Variants in ADIPOR1 observed in about 807,000 individuals in gnomAD.
ADIPOR1 encodes adiponectin receptor 1, also known as adiponectin receptor protein 1.
A neutral mutation model predicts 37.5 loss-of-function variants in ADIPOR1; 15 were observed. The ratio of observed to expected loss-of-function variants is 0.40; its 90% confidence interval spans 0.27 to 0.62. The LOEUF (loss-of-function observed/expected upper bound fraction) is 0.62, where lower values mean the gene tolerates loss of function less well. Among genes scored for constraint, ADIPOR1 ranks in the 20% least tolerant of loss-of-function variants. ADIPOR1 has a pLI of 0.42. For synonymous variants in ADIPOR1, 173 were observed against 173.2 expected, an observed-to-expected ratio of 1.00 and a Z score of 0.01; for missense variants, 286 against 478.0, an observed-to-expected ratio of 0.60 and a Z score of 3.75.
At chr1:202,942,469 A>T (rs1034268814) in intron 6 of ADIPOR1, among the ~76,000 whole-genome samples, 1 of 152,206 alleles carries the variant, frequency 6.6e-6, no homozygotes, top group Non-Finnish European at 1.5e-5. Context: ...ATTCTTCATT[A>T]TCTGTTAAGG....
At chr1:202,943,639 A>G in intron 6 of ADIPOR1, 119 bp downstream of exon 6, 2 of 1,157,826 alleles carry the variant, frequency 1.7e-6, no homozygotes, top group Non-Finnish European at 2.4e-6. Flanking sequence ...AAGTTCTGAA[A>G]CACAAATCAG....
At chr1:202,953,049 A>G (rs1654640095) in intron 1 of ADIPOR1, among the ~76,000 whole-genome samples, 2 of 152,196 alleles carry the variant, frequency 1.3e-5, no homozygotes, top group South Asian at 4.1e-4. Context: ...ATGCCAGCAC[A>G]CAGTCATAGT....
chr1:202,956,844 T>C (rs1174537645), intron 1 of ADIPOR1, among the ~76,000 whole-genome samples: 4 of 152,142 alleles, frequency 2.6e-5, no homozygotes, highest in African/African-American at 9.7e-5. Flanking sequence ...GCAATGGGGA[T>C]CAGTGGATTA....
intron 2 of ADIPOR1, among the ~76,000 whole-genome samples, chr1:202,950,282 G>A (rs1265809875): frequency 3.3e-5 from 5 of 151,696 alleles, no homozygotes; most frequent in African/African-American, 9.7e-5. Context: ...CCTTTAAAAG[G>A]CAAAGAGTTG....
chr1:202,956,292 G>A (rs1227028744), intron 1 of ADIPOR1, among the ~76,000 whole-genome samples: 1 of 152,260 alleles, frequency 6.6e-6, no homozygotes, highest in East Asian at 1.9e-4. Context: ...ACAGGATAAT[G>A]TAGCAGGAGT....
chr1:202,948,323 A>C lies in ADIPOR1; in HGVS notation c.239T>G (p.Met80Arg). ...PLQAHHAMEK[M>R]EEFVYKVWEG... is the part of the protein sequence containing the mutation. ...CCATACCTTGTACACAAACTCTTCC[A>C]TCTTCTCCATGGCGTGGTGGGCTTG... Residue 80 changes from methionine to arginine, a missense_variant, in exon 3 of 8, where the codon ATG becomes AGG. Transcript: ENST00000340990. The C allele has an allele frequency of 6.2e-7, 1 of 1,612,270 alleles. No homozygotes were observed. Among genetic ancestry groups the C allele is most frequent in the Non-Finnish European group, 8.5e-7 (1 of 1,179,028 alleles).
chr1:202,944,208 C>T (rs1654214800), intron 5 of ADIPOR1: 1 of 328,826 alleles, frequency 3.0e-6, no homozygotes, highest in Non-Finnish European at 5.6e-6. Flanking sequence ...AGCCGTATCT[C>T]CCATAGTAGA....
chr1:202,942,261 A>G, intron 6 of ADIPOR1, 43 bp from the exon 7 acceptor site: 1 of 1,543,290 alleles, frequency 6.5e-7, no homozygotes, highest in Non-Finnish European at 8.8e-7. Flanking sequence ...GGAAACAGCC[A>G]CCGCATGGAA....
chr1:202,956,443 C>T (rs898825927), intron 1 of ADIPOR1, among the ~76,000 whole-genome samples: 6 of 152,110 alleles, frequency 3.9e-5, no homozygotes, highest in East Asian at 1.9e-4. Context: ...ACTTACAATA[C>T]GCATGGTGTT....
In ADIPOR1 at chr1:202,948,368, C is replaced by T. The variant is rs1040065193; in HGVS notation, c.194G>A (p.Arg65Gln). Residue 65 changes from arginine to glutamine, a missense_variant, in exon 3 of 8, where the codon CGG becomes CAG. Arg to Gln is a conservative substitution (Grantham distance 43, BLOSUM62 1). Transcript: ENST00000340990. ...GGCTTGCAGGGGAAGTGTCAGTACCCGCACCTCCTCCTCTTCTTCCTGGGG... is the reference window on the plus strand; with the variant it reads ...GGCTTGCAGGGGAAGTGTCAGTACCTGCACCTCCTCCTCTTCTTCCTGGGG... The part of the protein sequence containing the change: ...PVPQEEEEEV[R>Q]VLTLPLQAHH... The T allele has an allele frequency of 8.1e-6, 13 of 1,613,766 alleles. No individual in the cohort carries two copies. The highest frequency in any genetic ancestry group is 1.1e-5 in the South Asian group (1 of 91,068).
chr1:202,948,288 A>C lies in ADIPOR1; in HGVS notation c.258+16T>G. The C allele has an allele frequency of 6.3e-7, 1 of 1,575,508 alleles. No individual in the cohort carries two copies. The highest frequency in any genetic ancestry group is 1.8e-5 in the Admixed American group (1 of 56,548). On this transcript the variant is annotated intron_variant, in intron 3 of 7. Transcript: ENST00000340990. ...GCTGCCCTTCCCCTTCCAGGACAGA[A>C]GCTCATAGGCCATACCTTGTACACA...
At chr1:202,956,228 G>T (rs72752795) in intron 1 of ADIPOR1, among the ~76,000 whole-genome samples, 10 of 152,176 alleles carry the variant, frequency 6.6e-5, no homozygotes, top group Non-Finnish European at 1.5e-4. Flanking sequence ...TTCACAAAGC[G>T]TCTAGATATA....
intron 5 of ADIPOR1, 109 bp from the exon 6 acceptor site, chr1:202,944,054 TCAATCTATCCTGTATTGTAGACTCCCATA>T: frequency 9.8e-7 from 1 of 1,017,038 alleles, no homozygotes; most frequent in Non-Finnish European, 1.4e-6. Context: ...AACCATTCCC[TCAATCTATCCTGTATTGTAGACTCCCATA>T]CAATCTATCC....
intron 2 of ADIPOR1, 83 bp from the exon 3 acceptor site, chr1:202,948,503 C>A: frequency 1.2e-5 from 14 of 1,179,608 alleles, no homozygotes; most frequent in Non-Finnish European, 1.6e-5. Context: ...CAGAAAAACC[C>A]AAACCTAATG....
chr1:202,949,428 A>G (rs1312983881), intron 2 of ADIPOR1, among the ~76,000 whole-genome samples: 1 of 151,418 alleles, frequency 6.6e-6, no homozygotes, highest in African/African-American at 2.4e-5. Flanking sequence ...AAAATACAAA[A>G]AATTAGCCGG....
At chr1:202,947,703 T>C (rs1277725720) in intron 3 of ADIPOR1, among the ~76,000 whole-genome samples, 2 of 152,196 alleles carry the variant, frequency 1.3e-5, no homozygotes, top group African/African-American at 4.8e-5. Flanking sequence ...TCTAAGTTCT[T>C]ACCACATCTT....
At chr1:202,954,085 G>A (rs1288204332) in intron 1 of ADIPOR1, among the ~76,000 whole-genome samples, 1 of 152,066 alleles carries the variant, frequency 6.6e-6, no homozygotes, top group Non-Finnish European at 1.5e-5. Context: ...TAGTTCTTCC[G>A]ATTCCCTCTA....
intron 3 of ADIPOR1, among the ~76,000 whole-genome samples, chr1:202,946,988 C>A (rs1294096700): frequency 2.6e-5 from 4 of 151,794 alleles, no homozygotes; most frequent in Admixed American, 6.6e-5. Flanking sequence ...TGGTGGCGGG[C>A]ACCTGTAATC....
At chr1:202,950,211 C>T (rs1384064164) in intron 2 of ADIPOR1, among the ~76,000 whole-genome samples, 1 of 143,326 alleles carries the variant, frequency 7.0e-6, no homozygotes, top group Non-Finnish European at 1.6e-5. Context: ...GATCCACCTG[C>T]CTCGGCCTCT....
Sources: allele counts gnomAD v4.1 joint callset (sites outside exome capture counted in the v4.1 genomes callset), GRCh38; gene constraint gnomAD v4.1.1; transcripts MANE v1.5; gene names NCBI Gene and HGNC (gene_info 2026-07-23, HGNC 2026-07-21).